Variants in SLC2A9 observed in about 807,000 individuals in gnomAD.
The protein encoded by SLC2A9 is solute carrier family 2 member 9.
Under a neutral mutation model 50.6 loss-of-function variants are expected in SLC2A9, and 39 were observed. That is an observed-to-expected ratio of 0.77 (90% CI 0.60 to 1.01). The LOEUF (loss-of-function observed/expected upper bound fraction) is 1.01. SLC2A9 is among the 50% of genes least tolerant of loss of function. The pLI is 0.00. For synonymous variants in SLC2A9, 324 were observed against 276.9 expected (o/e 1.17, Z -1.69); for missense variants, 686 against 677.6 (o/e 1.01, Z -0.14).
At chr4:9,783,744 A>G in intron 3 of SLC2A9, 1 of 323,738 alleles carries the variant, frequency 3.1e-6, no homozygotes, top group Non-Finnish European at 5.9e-6. Context: ...AAAAAAAATG[A>G]TACTTGGTCC....
At chr4:9,808,857 C>A (rs1422401483) in intron 3 of SLC2A9, among the ~76,000 whole-genome samples, 1 of 152,182 alleles carries the variant, frequency 6.6e-6, no homozygotes, top group East Asian at 1.9e-4. Flanking sequence ...ACTCCAGGGG[C>A]ACCATTCACA....
At chr4:9,934,386 T>A (rs1259472987) in intron 6 of SLC2A9, among the ~76,000 whole-genome samples, 1 of 152,220 alleles carries the variant, frequency 6.6e-6, no homozygotes, top group Non-Finnish European at 1.5e-5. Flanking sequence ...CAGATGGCTT[T>A]TCATTTTTTC....
intron 9 of SLC2A9, among the ~76,000 whole-genome samples, chr4:9,888,938 T>C (rs528536781): frequency 6.6e-6 from 1 of 152,230 alleles, no homozygotes; most frequent in Admixed American, 6.5e-5. Context: ...ATTCAGCTGA[T>C]TGATCCGAGC....
At chr4:9,772,705 C>A (rs189350135) in intron 1 of SLC2A9, among the ~76,000 whole-genome samples, 1 of 151,902 alleles carries the variant, frequency 6.6e-6, no homozygotes, top group Non-Finnish European at 1.5e-5. Context: ...TGTTATGTAG[C>A]ATTGCTGTAA....
intron 3 of SLC2A9, among the ~76,000 whole-genome samples, chr4:9,816,592 G>C (rs1255244981): frequency 3.3e-5 from 5 of 152,238 alleles, no homozygotes; most frequent in African/African-American, 7.2e-5. Flanking sequence ...ATGTTAATTA[G>C]CTTGATTGTG....
At chr4:9,783,109 C>A (rs1472626950) in intron 3 of SLC2A9, 1 of 1,614,244 alleles carries the variant, frequency 6.2e-7, no homozygotes, top group South Asian at 1.1e-5. Context: ...TCATCTATGC[C>A]TTCAACGCCG....
intron 2 of SLC2A9, among the ~76,000 whole-genome samples, chr4:10,001,332 TAGAC>T (rs1248397224): frequency 6.6e-6 from 1 of 152,032 alleles, no homozygotes; most frequent in African/African-American, 2.4e-5. Flanking sequence ...AATGTGGAGA[TAGAC>T]AGGCACAGGA....
intron 10 of SLC2A9, among the ~76,000 whole-genome samples, chr4:9,848,590 C>T (rs1382450072): frequency 2.0e-5 from 3 of 152,080 alleles, no homozygotes; most frequent in Non-Finnish European, 2.9e-5. Flanking sequence ...TTGCTTGCCC[C>T]ATAGCCAATC....
intron 3 of SLC2A9, among the ~76,000 whole-genome samples, chr4:9,791,828 C>T (rs750302862): frequency 3.3e-5 from 5 of 152,088 alleles, no homozygotes; most frequent in African/African-American, 4.8e-5. Flanking sequence ...GAAGACCCAG[C>T]GAATCTTTGC....
intron 5 of SLC2A9, among the ~76,000 whole-genome samples, chr4:9,972,261 G>A (rs757957691): frequency 7.9e-5 from 12 of 152,016 alleles, no homozygotes; most frequent in Non-Finnish European, 8.8e-5. Context: ...ATATAAAATC[G>A]TTCCTTTACG....
At chr4:9,926,112 T>G (rs926400009) in intron 6 of SLC2A9, among the ~76,000 whole-genome samples, 1 of 152,042 alleles carries the variant, frequency 6.6e-6, no homozygotes, top group Non-Finnish European at 1.5e-5. Flanking sequence ...TCTGTACACC[T>G]GCTGAGCCCA....
intron 6 of SLC2A9, among the ~76,000 whole-genome samples, chr4:9,933,379 G>A (rs1054701716): frequency 2.0e-5 from 3 of 152,208 alleles, no homozygotes; most frequent in Non-Finnish European, 4.4e-5. Context: ...AAAGGGGAGG[G>A]AGGGTGAACG....
At chr4:9,771,180 A>G (rs1716770168) in exon 2 of SLC2A9, 1 of 276,636 alleles carries the variant, frequency 3.6e-6, no homozygotes, top group Non-Finnish European at 6.8e-6. Context: ...ATTGAAACTT[A>G]TATTAGTCAA....
At chr4:9,863,427 C>T (rs1731968288) in intron 10 of SLC2A9, among the ~76,000 whole-genome samples, 1 of 151,912 alleles carries the variant, frequency 6.6e-6, no homozygotes, top group African/African-American at 2.4e-5. Flanking sequence ...AGCCACTGTG[C>T]CCAGCTAAAA....
At chr4:9,845,435 T>C (rs1437735180) in intron 10 of SLC2A9, among the ~76,000 whole-genome samples, 7 of 132,544 alleles carry the variant, frequency 5.3e-5, no homozygotes, top group Non-Finnish European at 1.1e-4. Context: ...TTCTTTTTTT[T>C]TTTTTTTTTT....
intron 2 of SLC2A9, among the ~76,000 whole-genome samples, chr4:10,012,926 G>A (rs1352643820): frequency 6.6e-6 from 1 of 152,158 alleles, no homozygotes; most frequent in Non-Finnish European, 1.5e-5. Context: ...AGTGGGTTTT[G>A]AGCGGAGGGA....
At chr4:10,039,411 A>T (rs937202255) in intron 1 of SLC2A9, among the ~76,000 whole-genome samples, 2 of 152,212 alleles carry the variant, frequency 1.3e-5, no homozygotes, top group Non-Finnish European at 2.9e-5. Flanking sequence ...GGTATGCAAA[A>T]GCCATTTCCA....
chr4:10,023,436 C>A (rs749544134), upstream of SLC2A9, among the ~76,000 whole-genome samples: 22 of 152,200 alleles, frequency 1.4e-4, no homozygotes, highest in Admixed American at 2.6e-4. Context: ...CTCCCTGTTT[C>A]CTCATCTGTA....
chr4:10,027,863 T>C (rs1763805607), intron 1 of SLC2A9, among the ~76,000 whole-genome samples: 3 of 152,192 alleles, frequency 2.0e-5, no homozygotes, highest in Middle Eastern at 3.2e-3. Context: ...CAAATTCTCC[T>C]CTTGTAGGTA....
Sources: gnomAD v4.1 joint callset for allele counts (sites outside exome capture counted in the v4.1 genomes callset) on GRCh38, gnomAD v4.1.1 for gene constraint, MANE v1.5 for transcripts, NCBI Gene and HGNC (gene_info 2026-07-23, HGNC 2026-07-21) for gene names.